PDE1A: variants seen among roughly 807,000 people sequenced by gnomAD.
The protein encoded by PDE1A is phosphodiesterase 1A, also known as dual specificity calcium/calmodulin-dependent 3',5'-cyclic nucleotide phosphodiesterase 1A.
PDE1A carries 35 observed loss-of-function variants against 61.7 expected under a neutral mutation model. That is an observed-to-expected ratio of 0.57 (90% CI 0.43 to 0.75). The LOEUF (loss-of-function observed/expected upper bound fraction) is 0.75, where lower values mean the gene tolerates loss of function less well. Among genes scored for constraint, PDE1A ranks in the 30% least tolerant of loss-of-function variants. PDE1A has a pLI of 0.00. For missense variants in PDE1A, 597 were observed against 630.6 expected, an observed-to-expected ratio of 0.95 and a Z score of 0.57; for synonymous variants, 232 against 213.2, an observed-to-expected ratio of 1.09 and a Z score of -0.77.
chr2:182,294,907 C>A (rs1392526838), intron 1 of PDE1A, among the ~76,000 whole-genome samples: 1 of 151,828 alleles, frequency 6.6e-6, no homozygotes, highest in East Asian at 1.9e-4. Context: ...AACAGAAATG[C>A]CAGGAAAGAG....
chr2:182,317,895 T>G (rs1386006525), intron 1 of PDE1A, among the ~76,000 whole-genome samples: 1 of 152,294 alleles, frequency 6.6e-6, no homozygotes, highest in South Asian at 2.1e-4. Context: ...TTTGTAAATA[T>G]GCCTGACACT....
At chr2:182,405,311 A>G (rs147052858) in intron 1 of PDE1A, among the ~76,000 whole-genome samples, 1,944 of 152,332 alleles carry the variant, frequency 0.013, 27 homozygotes, top group South Asian at 0.048. Context: ...GGGGTCATTT[A>G]CATAAGAAGA....
intron 2 of PDE1A, among the ~76,000 whole-genome samples, chr2:182,253,338 A>T (rs1337293404): frequency 2.0e-5 from 3 of 152,214 alleles, no homozygotes; most frequent in Non-Finnish European, 2.9e-5. Context: ...GACTCCAGTA[A>T]GGGATTTTTT....
At chr2:182,482,727 T>C (rs963296633) in intron 2 of PDE1A, among the ~76,000 whole-genome samples, 1 of 151,976 alleles carries the variant, frequency 6.6e-6, no homozygotes, top group African/African-American at 2.4e-5. Context: ...TTTACAATAG[T>C]GGCACTGGTC....
At chr2:182,592,494 C>G in the PDE1A span, among the ~76,000 whole-genome samples, 2 of 152,164 alleles carry the variant, frequency 1.3e-5, no homozygotes, top group South Asian at 2.1e-4. Context: ...CTTCCCAACA[C>G]CAGCTTCCAT....
At chr2:182,470,623 T>G (rs1466327663) in intron 2 of PDE1A, among the ~76,000 whole-genome samples, 1 of 151,844 alleles carries the variant, frequency 6.6e-6, no homozygotes, top group African/African-American at 2.4e-5. Context: ...CCTCCACTAC[T>G]GTCTTGCAAT....
chr2:182,256,357 T>C (rs1470398248), intron 2 of PDE1A, among the ~76,000 whole-genome samples: 1 of 151,088 alleles, frequency 6.6e-6, no homozygotes, highest in Non-Finnish European at 1.5e-5. Flanking sequence ...GTTCTTGCGA[T>C]AGTTTACTGA....
chr2:182,609,007 ACT>A, the PDE1A span, among the ~76,000 whole-genome samples: 74 of 152,200 alleles, frequency 4.9e-4, 1 homozygote, highest in South Asian at 0.015. Flanking sequence ...ACCAACTGGC[ACT>A]CTGTCTCTAG....
the PDE1A span, among the ~76,000 whole-genome samples, chr2:182,561,610 G>C: frequency 6.6e-6 from 1 of 152,210 alleles, no homozygotes; most frequent in Non-Finnish European, 1.5e-5. Context: ...TTGGTAGCTT[G>C]ATGGGAATGC....
chr2:182,492,067 T>C (rs907841832), intron 2 of PDE1A, among the ~76,000 whole-genome samples: 11 of 152,128 alleles, frequency 7.2e-5, no homozygotes, highest in African/African-American at 2.7e-4. Flanking sequence ...AGTCTGATCA[T>C]TTCCTATCAT....
the PDE1A span, among the ~76,000 whole-genome samples, chr2:182,714,590 G>C: frequency 1.3e-5 from 2 of 151,684 alleles, no homozygotes; most frequent in African/African-American, 2.4e-5. Context: ...CCCCAAGACA[G>C]AGTCTTGCTC....
chr2:182,690,592 T>G, the PDE1A span, among the ~76,000 whole-genome samples: 1 of 152,220 alleles, frequency 6.6e-6, no homozygotes, highest in Non-Finnish European at 1.5e-5. Context: ...GGGCAAAGAC[T>G]GGAAGCATTC....
Position 182,473,176 on chromosome 2 carries a change from T to G in PDE1A, c.101+49100A>C, listed in dbSNP as rs546483335. ...CTTAGACCTAAAACCATAAAAACCC[T>G]AGAAGAAAACCTAGGCATTACCATT... On this transcript the variant is annotated intron_variant, in intron 2 of 14. Coordinates refer to the PDE1A transcript ENST00000410103. Among the ~76,000 whole-genome samples the G allele has an allele frequency of 1.2e-4, 18 of 151,958 alleles. No homozygotes were observed. In the South Asian group the frequency reaches 2.9e-3, roughly 25 times the overall value.
the PDE1A span, among the ~76,000 whole-genome samples, chr2:182,532,878 G>A: frequency 3.0e-5 from 4 of 133,766 alleles, no homozygotes; most frequent in Middle Eastern, 4.4e-3. Flanking sequence ...CCCGGGAGGC[G>A]GAGCTTGGAA....
intron 13 of PDE1A, among the ~76,000 whole-genome samples, chr2:182,148,499 A>G (rs1163668447): frequency 6.6e-6 from 1 of 152,202 alleles, no homozygotes; most frequent in Non-Finnish European, 1.5e-5. Flanking sequence ...GCCAAGGACC[A>G]TGGCTTTTTA....
intron 8 of PDE1A, among the ~76,000 whole-genome samples, chr2:182,204,796 G>A (rs1177902902): frequency 1.3e-5 from 2 of 152,166 alleles, no homozygotes; most frequent in Non-Finnish European, 2.9e-5. Context: ...CCCAACCCCT[G>A]TATTGTTCAA....
intron 1 of PDE1A, among the ~76,000 whole-genome samples, chr2:182,344,223 T>C (rs192101485): frequency 1.3e-5 from 2 of 152,274 alleles, no homozygotes; most frequent in Non-Finnish European, 2.9e-5. Context: ...AAAATATTGT[T>C]TATATTTTTG....
the PDE1A span, among the ~76,000 whole-genome samples, chr2:182,705,836 A>G: frequency 1.3e-5 from 2 of 152,224 alleles, no homozygotes; most frequent in African/African-American, 4.8e-5. Context: ...TTTAAAAACA[A>G]AAAAGTTCAT....
chr2:182,211,094 A>T (rs1320744667), intron 7 of PDE1A, among the ~76,000 whole-genome samples: 1 of 152,152 alleles, frequency 6.6e-6, no homozygotes, highest in Non-Finnish European at 1.5e-5. Context: ...TTTATTTATC[A>T]GGATAGAACA....
Sources: allele counts gnomAD v4.1 joint callset (sites outside exome capture counted in the v4.1 genomes callset), GRCh38; gene constraint gnomAD v4.1.1; transcripts MANE v1.5; gene names NCBI Gene and HGNC (gene_info 2026-07-23, HGNC 2026-07-21).